The following NCOA3 variants were observed in gnomAD, a reference collection of about 807,000 sequenced individuals.
The protein encoded by NCOA3 is nuclear receptor coactivator 3.
In NCOA3, 51 loss-of-function variants were observed where a neutral mutation model predicts 158.8. The ratio of observed to expected loss-of-function variants is 0.32; its 90% CI spans 0.26 to 0.41. The LOEUF is 0.41. NCOA3 is among the 10% of genes least tolerant of loss of function. The pLI is 1.00. For synonymous variants in NCOA3, 537 were observed against 592.4 expected, an observed-to-expected ratio of 0.91 and a Z score of 1.36; for missense variants, 1,510 against 1,746.6, an observed-to-expected ratio of 0.86 and a Z score of 2.41.
chr20:47,571,498 A>G (rs1397117222), intron 1 of NCOA3, among the ~76,000 whole-genome samples: 1 of 150,342 alleles, frequency 6.7e-6, no homozygotes, highest in African/African-American at 2.5e-5. Context: ...TTGTGTTTTT[A>G]TTAGAGATGA....
intron 1 of NCOA3, among the ~76,000 whole-genome samples, chr20:47,553,847 C>T (rs1292830825): frequency 7.2e-5 from 11 of 151,990 alleles, no homozygotes; most frequent in East Asian, 1.9e-4. Context: ...TGAATAGTGC[C>T]GCAATAAACA....
intron 1 of NCOA3, among the ~76,000 whole-genome samples, chr20:47,505,266 G>A (rs1418958349): frequency 6.6e-6 from 1 of 151,366 alleles, no homozygotes; most frequent in Non-Finnish European, 1.5e-5. Flanking sequence ...TACCATGTTG[G>A]CCAGGCTGGT....
intron 18 of NCOA3, among the ~76,000 whole-genome samples, chr20:47,647,917 T>TG (rs746011227): frequency 1.6e-3 from 223 of 142,162 alleles, no homozygotes; most frequent in Non-Finnish European, 2.5e-3. Flanking sequence ...TTGTTTTGTT[T>TG]TGTTTTTTTT....
chr20:47,634,247 A>T (rs1385359511), intron 10 of NCOA3, 52 bp downstream of exon 10: 1 of 1,538,986 alleles, frequency 6.5e-7, no homozygotes, highest in Admixed American at 1.9e-5. Flanking sequence ...GTGTTCTCAA[A>T]ATGCTTTATT....
chr20:47,633,688 G>A (rs775480815), intron 9 of NCOA3, 52 bp downstream of exon 9: 5 of 1,569,106 alleles, frequency 3.2e-6, no homozygotes, highest in South Asian at 2.4e-5. Context: ...TTAGAGACAG[G>A]GCCTTGCTAT....
At chr20:47,609,653 C>T (rs527801912) in intron 2 of NCOA3, among the ~76,000 whole-genome samples, 142 of 150,864 alleles carry the variant, frequency 9.4e-4, no homozygotes, top group Non-Finnish European at 1.5e-3. Flanking sequence ...TCCTTGAACT[C>T]GGGAGGCAGA....
intron 1 of NCOA3, among the ~76,000 whole-genome samples, chr20:47,526,690 C>T (rs538065992): frequency 1.3e-5 from 2 of 152,246 alleles, no homozygotes; most frequent in African/African-American, 4.8e-5. Context: ...AGGGAGGTTG[C>T]AGTAAGCCGA....
intron 1 of NCOA3, among the ~76,000 whole-genome samples, chr20:47,570,551 A>G (rs930455376): frequency 6.6e-6 from 1 of 152,128 alleles, no homozygotes; most frequent in Admixed American, 6.6e-5. Flanking sequence ...TTTCCACCAC[A>G]CTTCCAGTTA....
At chr20:47,505,977 G>T (rs1213856624) in intron 1 of NCOA3, among the ~76,000 whole-genome samples, 3 of 151,888 alleles carry the variant, frequency 2.0e-5, no homozygotes, top group Non-Finnish European at 4.4e-5. Flanking sequence ...GCTAATTTTT[G>T]TATTTTTAGT....
chr20:47,517,101 C>G (rs182065327), intron 1 of NCOA3, among the ~76,000 whole-genome samples: 213 of 152,172 alleles, frequency 1.4e-3, no homozygotes, highest in African/African-American at 5.1e-3. Context: ...GCCAGTAATC[C>G]CAGCTACTCG....
At chr20:47,627,251 CT>C in intron 6 of NCOA3, 75 bp downstream of exon 6, 1 of 1,242,326 alleles carries the variant, frequency 8.0e-7, no homozygotes, top group Non-Finnish European at 1.1e-6. Context: ...TTGAATGTAT[CT>C]TTTAGGAAGT....
intron 19 of NCOA3, 64 bp from the exon 20 acceptor site, chr20:47,650,918 T>C (rs2086775298): frequency 6.8e-7 from 1 of 1,460,934 alleles, no homozygotes; most frequent in South Asian, 1.2e-5. Flanking sequence ...GTGGGGGTAC[T>C]ATATGTATGC....
intron 8 of NCOA3, among the ~76,000 whole-genome samples, chr20:47,632,188 T>G (rs1268983989): frequency 1.3e-5 from 2 of 152,114 alleles, no homozygotes; most frequent in Non-Finnish European, 2.9e-5. Flanking sequence ...AATCCGGAAA[T>G]GCTTTACTCA....
chr20:47,639,262 A>T, intron 14 of NCOA3, 60 bp downstream of exon 14: 1 of 1,360,098 alleles, frequency 7.4e-7, no homozygotes, highest in Middle Eastern at 1.8e-4. Context: ...TAAAATACTT[A>T]AAGCCATCTA....
intron 3 of NCOA3, among the ~76,000 whole-genome samples, 186 bp downstream of exon 3, chr20:47,622,516 A>G (rs1476192052): frequency 1.3e-5 from 2 of 151,974 alleles, no homozygotes; most frequent in African/African-American, 4.8e-5. Context: ...TTTATTGCTG[A>G]TTCATATAGA....
At chr20:47,630,129 G>A (rs1364335783) in intron 8 of NCOA3, 1 of 152,182 alleles carries the variant, frequency 6.6e-6, no homozygotes, top group Non-Finnish European at 1.5e-5. Flanking sequence ...ACTCAGGAGA[G>A]GTGGTTGAGG....
intron 2 of NCOA3, among the ~76,000 whole-genome samples, chr20:47,597,507 G>T (rs1423602450): frequency 6.7e-6 from 1 of 150,328 alleles, no homozygotes; most frequent in African/African-American, 2.5e-5. Context: ...TTGGGAGGGG[G>T]AGATGGAGTT....
intron 19 of NCOA3, among the ~76,000 whole-genome samples, 169 bp from the exon 20 acceptor site, chr20:47,650,813 A>C (rs1006595150): frequency 6.6e-6 from 1 of 151,754 alleles, no homozygotes; most frequent in African/African-American, 2.4e-5. Flanking sequence ...CTGTGAGGCG[A>C]GATTGTGCCA....
At chr20:47,626,640 C>G (rs910027885) in intron 5 of NCOA3, among the ~76,000 whole-genome samples, 1 of 152,174 alleles carries the variant, frequency 6.6e-6, no homozygotes, top group Non-Finnish European at 1.5e-5. Context: ...CTGATACTAC[C>G]ATAACAAAAT....
Sources: allele counts gnomAD v4.1 joint callset (sites outside exome capture counted in the v4.1 genomes callset), GRCh38; gene constraint gnomAD v4.1.1; transcripts MANE v1.5; gene names NCBI Gene and HGNC (gene_info 2026-07-23, HGNC 2026-07-21).